Variants in CDC42BPA observed in about 807,000 individuals in gnomAD.
CDC42BPA encodes the protein serine/threonine-protein kinase MRCK alpha.
CDC42BPA carries 80 observed loss-of-function variants against 223.5 expected under a neutral mutation model. The ratio of observed to expected loss-of-function variants is 0.36; its 90% CI spans 0.30 to 0.43. The LOEUF is 0.43. Among genes scored for constraint, CDC42BPA ranks in the 20% least tolerant of loss-of-function variants. CDC42BPA has a pLI of 1.00. For synonymous variants in CDC42BPA, 694 were observed against 718.6 expected (o/e 0.97, Z 0.55); for missense variants, 1,743 against 2,099.9 (o/e 0.83, Z 3.32).
chr1:227,083,301 G>A (rs1681099378), intron 16 of CDC42BPA, among the ~76,000 whole-genome samples: 1 of 151,816 alleles, frequency 6.6e-6, no homozygotes, highest in African/African-American at 2.4e-5. Context: ...AACATATGCA[G>A]TCCTTTTCTT....
At chr1:227,079,774 T>C (rs1225409769) in intron 17 of CDC42BPA, among the ~76,000 whole-genome samples, 3 of 151,940 alleles carry the variant, frequency 2.0e-5, no homozygotes, top group Admixed American at 1.3e-4. Context: ...TCCCTACAAA[T>C]GACTGATCTA....
chr1:227,040,336 A>T (rs10495270), intron 23 of CDC42BPA, 100 bp from the exon 24 acceptor site: 1 of 690,576 alleles, frequency 1.4e-6, no homozygotes, highest in Non-Finnish European at 2.5e-6. Flanking sequence ...TTTTCTAAAT[A>T]GGAATAGAAT....
At chr1:227,234,912 ATT>A (rs34238023) in intron 2 of CDC42BPA, 23 of 146,766 alleles carry the variant, frequency 1.6e-4, no homozygotes, top group Admixed American at 4.1e-4. Flanking sequence ...AGATTTTGTG[ATT>A]TTTTTTTTTT....
intron 1 of CDC42BPA, among the ~76,000 whole-genome samples, chr1:227,285,063 G>A (rs1209714688): frequency 6.6e-6 from 1 of 151,904 alleles, no homozygotes; most frequent in Admixed American, 6.6e-5. Flanking sequence ...AGTCTACCCA[G>A]CCAGACACAC....
intron 6 of CDC42BPA, among the ~76,000 whole-genome samples, chr1:227,158,112 C>A (rs1275330044): frequency 6.6e-6 from 1 of 152,094 alleles, no homozygotes; most frequent in African/African-American, 2.4e-5. Context: ...CAGGCATGTG[C>A]CACCATGCCT....
At chr1:227,175,078 T>C (rs1016218981) in intron 5 of CDC42BPA, among the ~76,000 whole-genome samples, 3 of 152,216 alleles carry the variant, frequency 2.0e-5, no homozygotes, top group African/African-American at 2.4e-5. Context: ...AAATTCATTA[T>C]GGAACACAGT....
chr1:227,019,083 G>C (rs576938900), intron 32 of CDC42BPA, among the ~76,000 whole-genome samples: 14 of 152,220 alleles, frequency 9.2e-5, no homozygotes, highest in African/African-American at 2.9e-4. Context: ...GATGCTGTTT[G>C]GTAACATTTT....
At chr1:227,121,887 G>A (rs915651126) in intron 11 of CDC42BPA, among the ~76,000 whole-genome samples, 8 of 147,982 alleles carry the variant, frequency 5.4e-5, no homozygotes, top group South Asian at 2.1e-4. Context: ...TGCAACCTCC[G>A]CCTTCCAGGT....
At chr1:227,004,783 G>A in intron 35 of CDC42BPA, 1 of 659,034 alleles carries the variant, frequency 1.5e-6, no homozygotes, top group Non-Finnish European at 2.8e-6. Flanking sequence ...CTCCCAGATG[G>A]CCTGTACACT....
intron 2 of CDC42BPA, among the ~76,000 whole-genome samples, chr1:227,226,414 G>C (rs1208001796): frequency 6.6e-6 from 1 of 152,166 alleles, no homozygotes; most frequent in Non-Finnish European, 1.5e-5. Flanking sequence ...AAAGAGAAGA[G>C]GTTTGAACCT....
intron 2 of CDC42BPA, among the ~76,000 whole-genome samples, chr1:227,214,987 C>T (rs989411211): frequency 1.8e-4 from 28 of 152,256 alleles, no homozygotes; most frequent in Admixed American, 7.9e-4. Flanking sequence ...CATTTGGCAG[C>T]ATGTAGTGAC....
At chr1:227,306,564 A>C (rs544022374) in intron 1 of CDC42BPA, among the ~76,000 whole-genome samples, 1 of 152,368 alleles carries the variant, frequency 6.6e-6, no homozygotes, top group East Asian at 1.9e-4. Context: ...AGGCAGAAAC[A>C]GATACTACAG....
chr1:227,102,358 C>A (rs114169091), intron 14 of CDC42BPA, among the ~76,000 whole-genome samples: 13 of 152,228 alleles, frequency 8.5e-5, no homozygotes, highest in African/African-American at 3.1e-4. Flanking sequence ...ATGAGGCAGC[C>A]TAACATGCAA....
intron 1 of CDC42BPA, among the ~76,000 whole-genome samples, chr1:227,276,598 G>T (rs1176361487): frequency 6.6e-6 from 1 of 152,218 alleles, no homozygotes; most frequent in Non-Finnish European, 1.5e-5. Flanking sequence ...CCTTGAGAGC[G>T]GGCCATGATG....
At chr1:227,235,455 G>C (rs1233721300) in intron 2 of CDC42BPA, 1 of 152,130 alleles carries the variant, frequency 6.6e-6, no homozygotes, top group East Asian at 1.9e-4. Context: ...ATAGCAAGTG[G>C]GGATGGGTGA....
intron 1 of CDC42BPA, among the ~76,000 whole-genome samples, chr1:227,293,632 C>T (rs1465241974): frequency 6.6e-6 from 1 of 151,778 alleles, no homozygotes; most frequent in Non-Finnish European, 1.5e-5. Flanking sequence ...TTGAGACCAG[C>T]CTAACCAATA....
At chr1:227,241,355 G>A (rs1679980987) in intron 2 of CDC42BPA, among the ~76,000 whole-genome samples, 1 of 151,874 alleles carries the variant, frequency 6.6e-6, no homozygotes, top group South Asian at 2.1e-4. Flanking sequence ...TTTACCCAAA[G>A]AAAACAAAAA....
At chr1:227,286,510 A>G (rs1297170174) in intron 1 of CDC42BPA, among the ~76,000 whole-genome samples, 1 of 152,168 alleles carries the variant, frequency 6.6e-6, no homozygotes, top group African/African-American at 2.4e-5. Flanking sequence ...CCACTTAATC[A>G]GTCTTTAGTA....
chr1:227,006,551 C>T (rs990462626), intron 34 of CDC42BPA, among the ~76,000 whole-genome samples: 1 of 152,214 alleles, frequency 6.6e-6, no homozygotes, highest in African/African-American at 2.4e-5. Flanking sequence ...AGCCCAGTCC[C>T]ACTATGTGCC....
Sources: allele counts gnomAD v4.1 joint callset (sites outside exome capture counted in the v4.1 genomes callset), GRCh38; gene constraint gnomAD v4.1.1; transcripts MANE v1.5; gene names NCBI Gene and HGNC (gene_info 2026-07-23, HGNC 2026-07-21).